Variants in CRPPA observed in about 807,000 individuals in gnomAD.
CRPPA encodes the protein D-ribitol-5-phosphate cytidylyltransferase.
In CRPPA, 43 loss-of-function variants were observed where a neutral mutation model predicts 52.0. The observed-to-expected ratio is 0.83, with a 90% CI of 0.65 to 1.07. CRPPA has a LOEUF of 1.07. CRPPA is among the 50% of genes least tolerant of loss of function. The pLI is 0.00. For missense variants in CRPPA, 629 were observed against 551.7 expected (o/e 1.14, Z -1.40); for synonymous variants, 250 against 203.5 (o/e 1.23, Z -1.94).
intron 9 of CRPPA, among the ~76,000 whole-genome samples, chr7:16,200,937 A>T (rs1229147491): frequency 1.3e-5 from 2 of 152,192 alleles, no homozygotes; most frequent in African/African-American, 4.8e-5. Flanking sequence ...AAGGAGTCCT[A>T]TTCTTGTTCA....
chr7:16,126,338 G>T (rs1396223147), intron 9 of CRPPA, among the ~76,000 whole-genome samples: 1 of 152,070 alleles, frequency 6.6e-6, no homozygotes, highest in South Asian at 2.1e-4. Flanking sequence ...AAGGAAAAAG[G>T]ATTCCCATAT....
At chr7:16,202,090 A>G (rs1343725753) in intron 9 of CRPPA, among the ~76,000 whole-genome samples, 2 of 152,138 alleles carry the variant, frequency 1.3e-5, no homozygotes, top group African/African-American at 4.8e-5. Flanking sequence ...CTCCTCTCCA[A>G]CTATAGAGAT....
At chr7:16,146,146 G>C (rs1217336199) in intron 9 of CRPPA, among the ~76,000 whole-genome samples, 3 of 150,562 alleles carry the variant, frequency 2.0e-5, no homozygotes, top group African/African-American at 7.3e-5. Flanking sequence ...TTCAAGCCAA[G>C]AGAAAACGGG....
chr7:16,104,516 G>C (rs1179656016), intron 9 of CRPPA, among the ~76,000 whole-genome samples: 1 of 152,074 alleles, frequency 6.6e-6, no homozygotes, highest in Non-Finnish European at 1.5e-5. Flanking sequence ...GAAGACTAAA[G>C]AAGATGTTTC....
chr7:16,384,087 T>C (rs1787191883), intron 2 of CRPPA, among the ~76,000 whole-genome samples: 1 of 152,180 alleles, frequency 6.6e-6, no homozygotes, highest in Admixed American at 6.5e-5. Context: ...GTCTTCTGCG[T>C]CACTCAGGCT....
chr7:16,310,406 C>T (rs1269168272), intron 3 of CRPPA, among the ~76,000 whole-genome samples: 1 of 152,088 alleles, frequency 6.6e-6, no homozygotes, highest in Non-Finnish European at 1.5e-5. Context: ...TAACCAGTCC[C>T]CAGCTAAACA....
chr7:16,108,740 A>G (rs969329799), intron 9 of CRPPA, among the ~76,000 whole-genome samples: 1 of 151,934 alleles, frequency 6.6e-6, no homozygotes, highest in African/African-American at 2.4e-5. Context: ...TTAAAATACT[A>G]AAATTATATT....
chr7:16,197,506 A>ATT (rs931951843), intron 9 of CRPPA, among the ~76,000 whole-genome samples: 1 of 142,352 alleles, frequency 7.0e-6, no homozygotes, highest in Non-Finnish European at 1.5e-5. Context: ...CTTGCGCAGC[A>ATT]TTTTTTTTTT....
intron 9 of CRPPA, among the ~76,000 whole-genome samples, chr7:16,095,712 G>C (rs747123666): frequency 6.6e-6 from 1 of 152,166 alleles, no homozygotes; most frequent in Non-Finnish European, 1.5e-5. Flanking sequence ...CCCAAGGAGA[G>C]CATAGCAATC....
intron 5 of CRPPA, among the ~76,000 whole-genome samples, chr7:16,293,844 C>T (rs538087216): frequency 2.6e-5 from 4 of 152,048 alleles, no homozygotes; most frequent in Non-Finnish European, 5.9e-5. Flanking sequence ...TACCTTAGAA[C>T]TAAAAGTAAG....
In CRPPA at chr7:16,216,919, C is replaced by G. The variant is rs1032175595; in HGVS notation, c.1120-722G>C. On this transcript the variant is annotated intron_variant, in intron 8 of 9. Coordinates refer to ENST00000407010, the MANE Select transcript of CRPPA (RefSeq NM_001101426.4). ...AGGTAAACAAAGCAGCCGGGAAGCT[C>G]CAACTGGGTGGAGCCCACCACAGCT... 5.7e-4 allele frequency among the ~76,000 whole-genome samples: 86 copies of G among 152,036 alleles called. No individual in the cohort carries two copies. The South Asian group carries it at 0.012, about 20-fold the overall frequency.
chr7:16,216,858 C>T (rs377288742), intron 8 of CRPPA, among the ~76,000 whole-genome samples: 247 of 151,462 alleles, frequency 1.6e-3, no homozygotes, highest in Admixed American at 3.9e-3. Context: ...GCAGCGAGGC[C>T]GGGGGAGGGG....
rs1554352501 is a variant in CRPPA at position 16,387,068 on chromosome 7, T to TATATATATATATACAC, written c.535-10828_535-10827insGTGTATATATATATAT. On this transcript the variant is annotated intron_variant, in intron 2 of 9. Transcript: ENST00000407010. ...AGATATATATATATATATATATATA[T>TATATATATATATACAC]ATATATATATATATATATACACACA... Among the ~76,000 whole-genome samples the TATATATATATATACAC allele has an allele frequency of 3.2e-3, 222 of 68,732 alleles. 3 individuals are homozygous for TATATATATATATACAC. The highest frequency in any genetic ancestry group is 9.4e-3 in the South Asian group (15 of 1,594). The allele number at this position is 68,732 out of a possible 152,430, so 45.1% of individuals were successfully genotyped here.
intron 2 of CRPPA, among the ~76,000 whole-genome samples, chr7:16,400,063 G>C (rs1040510611): frequency 6.6e-6 from 1 of 152,072 alleles, no homozygotes; most frequent in Non-Finnish European, 1.5e-5. Context: ...TGATTGGCAC[G>C]TGATCGGCAA....
At chr7:16,287,933 G>A (rs1473157857) in intron 5 of CRPPA, among the ~76,000 whole-genome samples, 1 of 147,896 alleles carries the variant, frequency 6.8e-6, no homozygotes, top group African/African-American at 2.5e-5. Context: ...AAGGGAGGGA[G>A]GGAGGGAGGG....
rs186166694 is a variant in CRPPA at position 16,379,871 on chromosome 7, A to T, written c.535-3630T>A. Among the ~76,000 whole-genome samples the T allele has an allele frequency of 2.4e-4, 37 of 152,238 alleles. No individual in the cohort carries two copies. In the East Asian group the frequency reaches 7.2e-3, roughly 29 times the overall value. The stretch of plus-strand genomic sequence containing the variant: ...CGAGACTTTGCTGAAGTTGCTTATC[A>T]CCTTAAGGAGATTTTGGGCTGAGAC... On this transcript the variant is annotated intron_variant, in intron 2 of 9. Coordinates refer to ENST00000407010, the MANE Select transcript of CRPPA (RefSeq NM_001101426.4).
At chr7:16,115,673 A>C (rs181103286) in intron 9 of CRPPA, among the ~76,000 whole-genome samples, 1 of 152,294 alleles carries the variant, frequency 6.6e-6, no homozygotes, top group African/African-American at 2.4e-5. Context: ...GAATAAGATG[A>C]GTCTGAAATA....
intron 3 of CRPPA, among the ~76,000 whole-genome samples, chr7:16,338,415 T>C (rs1365842494): frequency 1.3e-5 from 2 of 152,200 alleles, no homozygotes; most frequent in African/African-American, 2.4e-5. Flanking sequence ...TACAAGCCAA[T>C]GGCTAACTAA....
chr7:16,169,572 G>A (rs1203121132), intron 9 of CRPPA, among the ~76,000 whole-genome samples: 2 of 152,212 alleles, frequency 1.3e-5, no homozygotes, highest in Non-Finnish European at 2.9e-5. Flanking sequence ...GCTTAAGCAT[G>A]AAATTGTAAG....
Sources: gnomAD v4.1 joint callset for allele counts (sites outside exome capture counted in the v4.1 genomes callset) on GRCh38, gnomAD v4.1.1 for gene constraint, MANE v1.5 for transcripts, NCBI Gene and HGNC (gene_info 2026-07-23, HGNC 2026-07-21) for gene names.